LRRC53: variants seen among roughly 807,000 people sequenced by gnomAD.
The protein encoded by LRRC53 is leucine-rich repeat-containing protein 53.
Under a neutral mutation model 13.6 loss-of-function variants are expected in LRRC53, and 25 were observed. The observed-to-expected ratio is 1.83, with a 90% confidence interval of 1.34 to 2.56. LRRC53 has a LOEUF of 2.56. LRRC53 is among the 30% of genes most tolerant of loss of function. The pLI, the probability that LRRC53 is intolerant of heterozygous loss-of-function variation, is 0.00. For missense variants in LRRC53, 527 were observed against 275.8 expected, an observed-to-expected ratio of 1.91 and a Z score of -6.45; for synonymous variants, 204 against 109.8, an observed-to-expected ratio of 1.86 and a Z score of -5.37.
chr1:74,478,916 A>G lies in LRRC53; in HGVS notation c.904+1237T>C, dbSNP rs1668339962. 2.0e-5 allele frequency among the ~76,000 whole-genome samples: 3 copies of G among 152,170 alleles called. No individual in the cohort carries two copies. The South Asian group carries it at 6.2e-4, about 32-fold the overall frequency. On this transcript the variant is annotated intron_variant, in intron 3 of 4. Transcript: ENST00000294635. ...CTGACATAGTTACATGGTTTTTAAA[A>G]GAATTTATTTTCCTAACATTTGAAT...
At chr1:74,478,455 A>G (rs1668316232) in intron 3 of LRRC53, among the ~76,000 whole-genome samples, 1 of 152,206 alleles carries the variant, frequency 6.6e-6, no homozygotes, top group Non-Finnish European at 1.5e-5. Flanking sequence ...TTCTGAATAC[A>G]TATTTCTGAA....
In LRRC53 at chr1:74,480,142, C is replaced by T. The variant is rs1345905683; in HGVS notation, c.904+11G>A. ...AGAGAAAAGAGGAGGGCACACTTCT[C>T]CCCGGCATACCTGCGAAGCCAAGGA... On this transcript the variant is annotated intron_variant, in intron 3 of 4. Transcript: ENST00000294635. 4.2e-6 allele frequency: 3 copies of T among 711,298 alleles called. No homozygotes were observed. The highest frequency in any genetic ancestry group is 2.7e-4 in the Middle Eastern group (1 of 3,666). The allele number at this position is 711,298 out of a possible 1,614,324, so 44.1% of individuals were successfully genotyped here.
Position 74,489,292 on chromosome 1 carries a change from C to T in LRRC53, c.-26-5917G>A, listed in dbSNP as rs1231513918. 4 of 1,581,458 alleles carry T rather than the reference C, an allele frequency of 2.5e-6. No individual in the cohort carries two copies. The African/African-American group carries it at 4.1e-5, about 16-fold the overall frequency. ...GAAATATGTCCATAAAAAAGCCCTG[C>T]ATATCCAAGGCTGTCAGGGAATGTA... On this transcript the variant is annotated intron_variant, in intron 1 of 4. Coordinates refer to ENST00000294635, the MANE Select transcript of LRRC53 (RefSeq NM_001382280.1).
At chr1:74,504,847 A>G (rs1484769041) in intron 1 of LRRC53, among the ~76,000 whole-genome samples, 1 of 152,064 alleles carries the variant, frequency 6.6e-6, no homozygotes, top group Non-Finnish European at 1.5e-5. Context: ...CTCCCTCCTA[A>G]CCCAAAGGGC....
the LRRC53 span, among the ~76,000 whole-genome samples, chr1:74,517,864 G>C: frequency 6.6e-6 from 1 of 152,134 alleles, no homozygotes; most frequent in Non-Finnish European, 1.5e-5. Context: ...TGATTCAGCA[G>C]GTCTGATGTA....
At chr1:74,524,442 AG>A in the LRRC53 span, among the ~76,000 whole-genome samples, 1 of 152,162 alleles carries the variant, frequency 6.6e-6, no homozygotes, top group Non-Finnish European at 1.5e-5. Flanking sequence ...TAGAGTATGT[AG>A]GGCCAACTGG....
Position 74,480,343 on chromosome 1 carries a change from G to A in LRRC53, c.714C>T (p.His238=). The A allele has an allele frequency of 2.8e-6, 2 of 717,798 alleles. No individual in the cohort carries two copies. Among genetic ancestry groups the A allele is most frequent in the South Asian group, 1.5e-5 (1 of 67,606 alleles). The allele number at this position is 717,798 out of a possible 1,614,324, so 44.5% of individuals were successfully genotyped here. A position where few individuals can be genotyped will look rare whatever the true frequency, so the allele number is the denominator to read the frequency against. ...FLRNYIKSSA[H]TLRNAKDLNC... ...TTAGGTCCTTGGCATTCCTGAGCGT[G>A]TGAGCAGAAGACTTAATGTAGTTTC... Residue 238 remains histidine, a synonymous_variant, in exon 3 of 5, where the codon CAC becomes CAT. Transcript: ENST00000294635.
At chr1:74,524,218 A>ACC in the LRRC53 span, among the ~76,000 whole-genome samples, 1 of 152,238 alleles carries the variant, frequency 6.6e-6, no homozygotes, top group Admixed American at 6.5e-5. Context: ...CATCAGAAGT[A>ACC]TTTAGAGGCA....
the LRRC53 span, among the ~76,000 whole-genome samples, chr1:74,523,795 C>G: frequency 6.6e-6 from 1 of 152,142 alleles, no homozygotes; most frequent in Non-Finnish European, 1.5e-5. Context: ...TAAAATTATA[C>G]TTAAGTTCTG....
At chr1:74,507,228 C>CCA (rs757447176) in intron 1 of LRRC53, among the ~76,000 whole-genome samples, 10 of 138,636 alleles carry the variant, frequency 7.2e-5, no homozygotes, top group Non-Finnish European at 3.1e-5. Flanking sequence ...TCTTCACCCC[C>CCA]CCCCCATCTT....
At chr1:74,533,040 G>A in the LRRC53 span, among the ~76,000 whole-genome samples, 2 of 152,178 alleles carry the variant, frequency 1.3e-5, no homozygotes, top group African/African-American at 4.8e-5. Flanking sequence ...AAAAGCAATG[G>A]CAACAAAAGC....
chr1:74,491,200 G>A (rs1669055136), intron 1 of LRRC53, among the ~76,000 whole-genome samples: 1 of 152,094 alleles, frequency 6.6e-6, no homozygotes, highest in Non-Finnish European at 1.5e-5. Context: ...GAGATAATTA[G>A]GGTGAGTCCA....
At chr1:74,475,834 A>G in intron 3 of LRRC53, 24 bp from the exon 4 acceptor site, 1 of 552,296 alleles carries the variant, frequency 1.8e-6, no homozygotes, top group East Asian at 2.9e-5. Context: ...AGAGACCATT[A>G]AAAGATAACA....
the LRRC53 span, among the ~76,000 whole-genome samples, chr1:74,527,531 A>G: frequency 6.6e-6 from 1 of 152,222 alleles, no homozygotes; most frequent in African/African-American, 2.4e-5. Context: ...TGAGCAAAAA[A>G]GGAGAACCAG....
chr1:74,513,884 G>T (rs998394444), upstream of LRRC53, among the ~76,000 whole-genome samples: 3 of 152,260 alleles, frequency 2.0e-5, no homozygotes, highest in East Asian at 1.9e-4. Context: ...AGCCACAACC[G>T]CATCTGCAAA....
rs1202465187 is a variant in LRRC53 at position 74,480,450 on chromosome 1, G to A, written c.607C>T (p.Leu203=). 9.8e-6 allele frequency: 7 copies of A among 717,434 alleles called. No individual in the cohort carries two copies. The highest frequency in any genetic ancestry group is 1.8e-5 in the Non-Finnish European group (7 of 385,110). 44.4% of individuals were successfully genotyped at this position (717,434 alleles called of 1,614,324 possible). Residue 203 remains leucine (L), a synonymous_variant, in exon 3 of 5, where the codon CTG becomes TTG. Transcript: ENST00000294635. ...LAHMPDVFTP[L]KQLILLSLDK... ...AAGCTCAGAAGGATTAACTGCTTCAGTGGAGTAAACACATCCGGCATGTGG... is the reference window on the plus strand; with the variant it reads ...AAGCTCAGAAGGATTAACTGCTTCAATGGAGTAAACACATCCGGCATGTGG...
At chr1:74,516,610 G>A (rs1436923883), upstream of LRRC53, among the ~76,000 whole-genome samples, 1 of 152,168 alleles carries the variant, frequency 6.6e-6, no homozygotes, top group Non-Finnish European at 1.5e-5. Context: ...CCTGGACCGT[G>A]GGACCTTGCT....
chr1:74,511,651 C>T (rs1165372538), intron 1 of LRRC53, among the ~76,000 whole-genome samples: 1 of 151,884 alleles, frequency 6.6e-6, no homozygotes, highest in East Asian at 1.9e-4. Flanking sequence ...TCTCTTCAGT[C>T]CTGGGGGAAT....
At chr1:74,484,541 G>A (rs951930244) in intron 1 of LRRC53, among the ~76,000 whole-genome samples, 1 of 152,128 alleles carries the variant, frequency 6.6e-6, no homozygotes, top group East Asian at 1.9e-4. Flanking sequence ...GCATTGACTC[G>A]AGGGCTCTAA....
Sources: gnomAD v4.1 joint callset for allele counts (sites outside exome capture counted in the v4.1 genomes callset) on GRCh38, gnomAD v4.1.1 for gene constraint, MANE v1.5 for transcripts, NCBI Gene and HGNC (gene_info 2026-07-23, HGNC 2026-07-21) for gene names.